The following PTK2 variants were observed in gnomAD, a reference collection of about 807,000 sequenced individuals.
The protein encoded by PTK2 is protein tyrosine kinase 2.
PTK2 carries 45 observed loss-of-function variants against 150.1 expected under a neutral mutation model. The ratio of observed to expected loss-of-function variants is 0.30; its 90% confidence interval spans 0.24 to 0.38. The LOEUF (loss-of-function observed/expected upper bound fraction) is 0.38. PTK2 is among the 10% of genes least tolerant of loss of function. The pLI is 1.00. For synonymous variants in PTK2, 432 were observed against 449.2 expected (o/e 0.96, Z 0.48); for missense variants, 919 against 1,307.3 (o/e 0.70, Z 4.58).
chr8:140,979,714 G>C (rs1292958577), intron 1 of PTK2, among the ~76,000 whole-genome samples: 1 of 152,070 alleles, frequency 6.6e-6, no homozygotes. Flanking sequence ...TCATAAGGCG[G>C]GCTCTTTCCC....
chr8:140,780,539 G>A (rs754308394), intron 14 of PTK2, among the ~76,000 whole-genome samples: 1 of 152,166 alleles, frequency 6.6e-6, no homozygotes, highest in South Asian at 2.1e-4. Context: ...TCCAGAATAT[G>A]AGAATAGGAC....
At chr8:140,826,197 T>G (rs1464683796) in intron 8 of PTK2, among the ~76,000 whole-genome samples, 8 of 152,194 alleles carry the variant, frequency 5.3e-5, no homozygotes. Context: ...ATAGAGCTAT[T>G]TCAGAAGAAA....
chr8:140,736,505 T>C (rs576918484), intron 21 of PTK2, among the ~76,000 whole-genome samples: 9 of 148,016 alleles, frequency 6.1e-5, no homozygotes, highest in Admixed American at 4.7e-4. Flanking sequence ...AACCTGCACA[T>C]GGACCCTCTG....
intron 2 of PTK2, among the ~76,000 whole-genome samples, chr8:140,914,623 G>A (rs1000757401): frequency 6.7e-4 from 101 of 151,196 alleles, no homozygotes; most frequent in African/African-American, 2.3e-3. Context: ...TCCCTTCTTC[G>A]TAGAACAAGT....
intron 10 of PTK2, among the ~76,000 whole-genome samples, chr8:140,810,906 C>G (rs1246574100): frequency 1.3e-5 from 2 of 152,230 alleles, no homozygotes; most frequent in African/African-American, 4.8e-5. Flanking sequence ...CAACCCAACC[C>G]TGTGCTACCA....
intron 22 of PTK2, among the ~76,000 whole-genome samples, chr8:140,734,514 C>T (rs1050210519): frequency 2.6e-5 from 4 of 152,202 alleles, no homozygotes; most frequent in South Asian, 4.1e-4. Flanking sequence ...CATGCACAAG[C>T]GAACAAGAAC....
intron 23 of PTK2, among the ~76,000 whole-genome samples, chr8:140,716,597 G>A (rs2100039845): frequency 6.6e-6 from 1 of 152,118 alleles, no homozygotes; most frequent in African/African-American, 2.4e-5. Context: ...TACGTTTACT[G>A]TTACAGAGCT....
At chr8:140,797,770 C>T (rs938980172) in intron 12 of PTK2, among the ~76,000 whole-genome samples, 7 of 152,146 alleles carry the variant, frequency 4.6e-5, no homozygotes, top group Admixed American at 3.3e-4. Flanking sequence ...GACAATTTGG[C>T]TTGTGGCTCT....
intron 29 of PTK2, 36 bp downstream of exon 32, chr8:140,674,262 G>C: frequency 6.4e-7 from 1 of 1,550,698 alleles, no homozygotes; most frequent in Non-Finnish European, 8.8e-7. Flanking sequence ...CACAAATCCT[G>C]CAAGCAGAAG....
At chr8:140,824,088 A>G (rs1430489732) in intron 8 of PTK2, among the ~76,000 whole-genome samples, 1 of 152,200 alleles carries the variant, frequency 6.6e-6, no homozygotes, top group African/African-American at 2.4e-5. Context: ...AAGTGAGTCA[A>G]TTTGGTTTGA....
intron 9 of PTK2, 23 bp downstream of exon 9, chr8:140,818,857 A>G: frequency 6.2e-7 from 1 of 1,605,116 alleles, no homozygotes; most frequent in South Asian, 1.1e-5. Flanking sequence ...CTAGCCCACT[A>G]TTTCCCATAT....
intron 31 of PTK2, chr8:140,660,570 CA>C (rs1162613111): frequency 2.2e-6 from 1 of 452,672 alleles, no homozygotes; most frequent in Non-Finnish European, 4.4e-6. Context: ...CAAAAAAATA[CA>C]AAAAGTTAGC....
intron 22 of PTK2, chr8:140,735,039 G>A (rs531342648): frequency 7.9e-5 from 46 of 585,072 alleles, no homozygotes; most frequent in African/African-American, 7.5e-4. Flanking sequence ...ACCATAATTG[G>A]AGCTTTATTA....
At chr8:140,735,511 C>T (rs2100052102) in intron 21 of PTK2, 56 bp from the exon 25 acceptor site, 1 of 1,557,286 alleles carries the variant, frequency 6.4e-7, no homozygotes, top group African/African-American at 1.4e-5. Context: ...ATGTAACTCC[C>T]AGGTTCCAGG....
chr8:140,991,771 G>A (rs1047667568), intron 1 of PTK2, among the ~76,000 whole-genome samples: 1 of 152,112 alleles, frequency 6.6e-6, no homozygotes, highest in Non-Finnish European at 1.5e-5. Context: ...CACTTCAGAA[G>A]GCCAAGGTGG....
chr8:140,828,780 C>G (rs1332138202), intron 8 of PTK2, among the ~76,000 whole-genome samples: 2 of 152,354 alleles, frequency 1.3e-5, no homozygotes, highest in East Asian at 3.9e-4. Context: ...TCGGCTCCCA[C>G]ACCAAAAACA....
chr8:140,863,424 T>C (rs2100137413), intron 5 of PTK2, among the ~76,000 whole-genome samples: 2 of 152,150 alleles, frequency 1.3e-5, no homozygotes, highest in Non-Finnish European at 2.9e-5. Context: ...TTTAAATGGC[T>C]CCCAATATCT....
At chr8:140,762,837 G>A (rs1206287962) in intron 15 of PTK2, among the ~76,000 whole-genome samples, 4 of 151,972 alleles carry the variant, frequency 2.6e-5, no homozygotes, top group African/African-American at 9.7e-5. Flanking sequence ...CCAAAGTGCA[G>A]TTGTGCAATC....
At chr8:140,713,283 CAG>C (rs1047601686) in intron 23 of PTK2, among the ~76,000 whole-genome samples, 14 of 152,140 alleles carry the variant, frequency 9.2e-5, no homozygotes, top group Admixed American at 6.6e-4. Flanking sequence ...TTTTTTGAGA[CAG>C]AGTCTTGCTC....
Sources: allele counts gnomAD v4.1 joint callset (sites outside exome capture counted in the v4.1 genomes callset), GRCh38; gene constraint gnomAD v4.1.1; transcripts MANE v1.5; gene names NCBI Gene and HGNC (gene_info 2026-07-23, HGNC 2026-07-21).